UNC5D: variants seen among roughly 807,000 people sequenced by gnomAD.
UNC5D encodes the protein unc-5 netrin receptor D, also known as netrin receptor UNC5D.
Under a neutral mutation model 105.4 loss-of-function variants are expected in UNC5D, and 39 were observed. The observed-to-expected ratio is 0.37, with a 90% CI of 0.29 to 0.48. The LOEUF (loss-of-function observed/expected upper bound fraction) is 0.48, where lower values mean the gene tolerates loss of function less well. Among genes scored for constraint, UNC5D ranks in the 20% least tolerant of loss-of-function variants. The pLI, the probability that UNC5D is intolerant of heterozygous loss-of-function variation, is 0.98. For synonymous variants in UNC5D, 452 were observed against 450.4 expected (o/e 1.00, Z -0.04); for missense variants, 991 against 1,202.4 (o/e 0.82, Z 2.60).
At position 35,357,283 on chromosome 8, in the gene UNC5D, G is replaced by A. The variant is rs370779565; in HGVS notation, c.103+121396G>A. 3.3e-5 allele frequency among the ~76,000 whole-genome samples: 5 copies of A among 152,242 alleles called. No homozygotes were observed. In the East Asian group the frequency reaches 9.7e-4, roughly 29 times the overall value. On this transcript the variant is annotated intron_variant, in intron 1 of 16. Coordinates refer to ENST00000404895, the MANE Select transcript of UNC5D (RefSeq NM_080872.4). ...TCAAATACCTGACAAGCCTCTGAAT[G>A]ACAGCTGCTGCTTTCCTCTGGCTTT...
Position 35,759,396 on chromosome 8 carries a change from C to T in UNC5D, c.2240C>T (p.Thr747Ile). The change falls in exon 14 of 17, where the codon ACC becomes ATC. Residue 747 changes from threonine (T) to isoleucine (I), a missense_variant. Transcript: ENST00000404895. ...EPKLLHFKGN[T>I]FSLQISVLDI... ...AAATTGCTGCATTTCAAAGGGAATACCTTTAGTCTTCAGATTTCTGTCCTT... is the reference window on the plus strand; with the variant it reads ...AAATTGCTGCATTTCAAAGGGAATATCTTTAGTCTTCAGATTTCTGTCCTT... The T allele has an allele frequency of 6.2e-7, 1 of 1,614,056 alleles. No individual in the cohort carries two copies. The highest frequency in any genetic ancestry group is 8.5e-7 in the Non-Finnish European group (1 of 1,179,944).
At chr8:35,481,665 G>C (rs911616617) in intron 1 of UNC5D, among the ~76,000 whole-genome samples, 1 of 152,144 alleles carries the variant, frequency 6.6e-6, no homozygotes, top group Non-Finnish European at 1.5e-5. Flanking sequence ...ATTGAAAAAG[G>C]GTTAAAACAA....
At position 35,582,527 on chromosome 8, in the gene UNC5D, G is replaced by A. The variant is rs550498954; in HGVS notation, c.467-13027G>A. Among the ~76,000 whole-genome samples the A allele has an allele frequency of 2.6e-5, 4 of 152,152 alleles. No homozygotes were observed. In the South Asian group the frequency reaches 8.3e-4, roughly 32 times the overall value. On this transcript the variant is annotated intron_variant, in intron 3 of 16. Coordinates refer to ENST00000404895, the MANE Select transcript of UNC5D (RefSeq NM_080872.4). ...CCACTCAGTTGTTCTGTGAGGCCAT[G>A]CTGGAGGTAGGAGGTGTTAGATATT...
At position 35,609,699 on chromosome 8, in the gene UNC5D, T is replaced by C. The variant is rs578161995; in HGVS notation, c.570+14042T>C. 2.0e-5 allele frequency among the ~76,000 whole-genome samples: 3 copies of C among 152,338 alleles called. No homozygotes were observed. In the East Asian group the frequency reaches 5.8e-4, roughly 29 times the overall value. Reference sequence around the variant, plus strand: ...AGAAACTGGTCAGTCATGTAATCATTACTGTGAAATGCTAACAGTCAAAGT... The same window carrying C: ...AGAAACTGGTCAGTCATGTAATCATCACTGTGAAATGCTAACAGTCAAAGT... On this transcript the variant is annotated intron_variant, in intron 4 of 16. Coordinates refer to ENST00000404895, the MANE Select transcript of UNC5D (RefSeq NM_080872.4).
chr8:35,748,018 T>A (rs2131631431), intron 11 of UNC5D, among the ~76,000 whole-genome samples: 1 of 152,356 alleles, frequency 6.6e-6, no homozygotes, highest in Admixed American at 6.5e-5. Context: ...AAAGCCAGAA[T>A]AGACACACTC....
At chr8:35,704,554 G>A (rs1204894228) in intron 7 of UNC5D, among the ~76,000 whole-genome samples, 2 of 152,220 alleles carry the variant, frequency 1.3e-5, no homozygotes, top group Non-Finnish European at 2.9e-5. Flanking sequence ...AGGGGACTGC[G>A]TAGGGTCCCC....
chr8:35,428,461 T>G (rs2128972833), intron 1 of UNC5D, among the ~76,000 whole-genome samples: 1 of 151,202 alleles, frequency 6.6e-6, no homozygotes, highest in East Asian at 2.0e-4. Flanking sequence ...GCTGGGATTA[T>G]AGGTGTGAGC....
chr8:35,657,082 A>ATATATATATATATATATG (rs1563637872), intron 4 of UNC5D, among the ~76,000 whole-genome samples: 4 of 28,328 alleles, frequency 1.4e-4, no homozygotes, highest in African/African-American at 5.5e-4. Context: ...GTGTGTGTGT[A>ATATATATATATATATATG]TATATATATA....
chr8:35,385,875 A>C (rs573727601), intron 1 of UNC5D, among the ~76,000 whole-genome samples: 3 of 152,188 alleles, frequency 2.0e-5, no homozygotes, highest in Non-Finnish European at 4.4e-5. Flanking sequence ...ATTGTTTTTC[A>C]TGGTTCACAA....
rs1812806429 is a variant in UNC5D at position 35,512,533 on chromosome 8, ATGTATG to A, written c.104-36757_104-36752del. 3.3e-4 allele frequency among the ~76,000 whole-genome samples: 24 copies of A among 73,836 alleles called. 1 individual carries two copies. The highest frequency in any genetic ancestry group is 9.0e-4 in the African/African-American group (10 of 11,134). The allele number at this position is 73,836 out of a possible 152,430, so 48.4% of individuals were successfully genotyped here. ...ATCTGCATAGATTATATATTCAGAT[ATGTATG>A]TATATATATATATATATATATATAT... On this transcript the variant is annotated intron_variant, in intron 1 of 16. Transcript: ENST00000404895.
chr8:35,484,122 A>G (rs1223027452), intron 1 of UNC5D, among the ~76,000 whole-genome samples: 1 of 152,200 alleles, frequency 6.6e-6, no homozygotes, highest in African/African-American at 2.4e-5. Flanking sequence ...AGCGTTATTT[A>G]TATTCAATCA....
chr8:35,581,817 G>A lies in UNC5D; in HGVS notation c.466+13576G>A, dbSNP rs1317591862. 2.0e-5 allele frequency among the ~76,000 whole-genome samples: 3 copies of A among 151,980 alleles called. No homozygotes were observed. In the East Asian group the frequency reaches 5.8e-4, roughly 29 times the overall value. ...TGTAAATTTGTGTTTATTTCCCAGT[G>A]TTTCCTGATTCAGTAAAGGGACCAC... On this transcript the variant is annotated intron_variant, in intron 3 of 16. Coordinates refer to ENST00000404895, the MANE Select transcript of UNC5D (RefSeq NM_080872.4).
intron 1 of UNC5D, among the ~76,000 whole-genome samples, chr8:35,287,060 T>C (rs2128857074): frequency 1.3e-5 from 2 of 152,240 alleles, no homozygotes; most frequent in Middle Eastern, 6.8e-3. Context: ...AGCCCAATTA[T>C]AGAACCTGAC....
intron 8 of UNC5D, among the ~76,000 whole-genome samples, chr8:35,720,577 G>T (rs1007791730): frequency 6.6e-6 from 1 of 152,182 alleles, no homozygotes; most frequent in Admixed American, 6.5e-5. Context: ...TAATTGAGTA[G>T]AGGGAAGGTG....
intron 1 of UNC5D, among the ~76,000 whole-genome samples, chr8:35,300,900 G>A (rs567821832): frequency 6.6e-6 from 1 of 152,260 alleles, no homozygotes; most frequent in South Asian, 2.1e-4. Flanking sequence ...TGGGATGAGA[G>A]TTATTAATAT....
At chr8:35,624,598 T>A (rs1821587341) in intron 4 of UNC5D, among the ~76,000 whole-genome samples, 1 of 152,172 alleles carries the variant, frequency 6.6e-6, no homozygotes, top group African/African-American at 2.4e-5. Flanking sequence ...TATCCTTATT[T>A]ACAGAAATTA....
chr8:35,787,444 TC>T (rs1027069795), intron 16 of UNC5D, among the ~76,000 whole-genome samples: 17 of 152,004 alleles, frequency 1.1e-4, no homozygotes, highest in Non-Finnish European at 5.9e-5. Flanking sequence ...TGACCCAGAG[TC>T]CACTCAGGCC....
intron 1 of UNC5D, among the ~76,000 whole-genome samples, chr8:35,344,564 G>A (rs1386222935): frequency 6.6e-6 from 1 of 151,990 alleles, no homozygotes; most frequent in African/African-American, 2.4e-5. Context: ...ACACATCCAG[G>A]ATAATGATGC....
At chr8:35,511,516 C>T (rs1055145790) in intron 1 of UNC5D, among the ~76,000 whole-genome samples, 3 of 151,070 alleles carry the variant, frequency 2.0e-5, no homozygotes, top group Non-Finnish European at 4.4e-5. Flanking sequence ...TTCACAATCC[C>T]CTTCCAGGAG....
Sources: gnomAD v4.1 joint callset for allele counts (sites outside exome capture counted in the v4.1 genomes callset) on GRCh38, gnomAD v4.1.1 for gene constraint, MANE v1.5 for transcripts, NCBI Gene and HGNC (gene_info 2026-07-23, HGNC 2026-07-21) for gene names.